The following MCTP2 variants were observed in gnomAD, a reference collection of about 807,000 sequenced individuals.
MCTP2 encodes multiple C2 and transmembrane domain-containing protein 2.
A neutral mutation model predicts 111.6 loss-of-function variants in MCTP2; 132 were observed. The ratio of observed to expected loss-of-function variants is 1.18; its 90% CI spans 1.03 to 1.37. The LOEUF is 1.37. Among genes scored for constraint, MCTP2 ranks in the 40% most tolerant of loss-of-function variants. MCTP2 has a pLI of 0.00. For missense variants in MCTP2, 1,183 were observed against 1,067.9 expected, an observed-to-expected ratio of 1.11 and a Z score of -1.50; for synonymous variants, 395 against 387.7, an observed-to-expected ratio of 1.02 and a Z score of -0.22.
intron 1 of MCTP2, among the ~76,000 whole-genome samples, chr15:94,265,143 C>T (rs1262136122): frequency 6.6e-6 from 1 of 152,138 alleles, no homozygotes; most frequent in African/African-American, 2.4e-5. Context: ...ACTTCCATAT[C>T]CAGGCCTACC....
At chr15:94,420,097 G>A (rs1008093414) in intron 17 of MCTP2, among the ~76,000 whole-genome samples, 10 of 152,112 alleles carry the variant, frequency 6.6e-5, no homozygotes, top group African/African-American at 2.4e-4. Flanking sequence ...TCTGCTAAAT[G>A]TACTCTGCCT....
chr15:94,309,927 T>C (rs1295919868), intron 2 of MCTP2, among the ~76,000 whole-genome samples: 2 of 152,244 alleles, frequency 1.3e-5, no homozygotes, highest in Middle Eastern at 6.3e-3. Flanking sequence ...ATAATAGTGC[T>C]CATTCCAAGA....
At chr15:94,294,067 G>A (rs1158829561) in intron 1 of MCTP2, among the ~76,000 whole-genome samples, 1 of 152,182 alleles carries the variant, frequency 6.6e-6, no homozygotes, top group Non-Finnish European at 1.5e-5. Flanking sequence ...TGCAGCAACT[G>A]GATGAATCTC....
intron 1 of MCTP2, among the ~76,000 whole-genome samples, chr15:94,243,816 T>G (rs1266876896): frequency 6.7e-6 from 1 of 148,414 alleles, no homozygotes; most frequent in Non-Finnish European, 1.5e-5. Context: ...TATACATATA[T>G]GTATACACAT....
intron 18 of MCTP2, among the ~76,000 whole-genome samples, chr15:94,441,505 T>G (rs1194810818): frequency 1.3e-5 from 2 of 152,226 alleles, no homozygotes; most frequent in African/African-American, 4.8e-5. Context: ...ATGTTTATAG[T>G]ATGTGCATAT....
chr15:94,306,374 A>G (rs559640994), intron 2 of MCTP2, among the ~76,000 whole-genome samples: 1 of 152,218 alleles, frequency 6.6e-6, no homozygotes, highest in African/African-American at 2.4e-5. Flanking sequence ...AATGACATGG[A>G]GGTTTGGAGA....
intron 1 of MCTP2, among the ~76,000 whole-genome samples, chr15:94,267,162 G>A (rs529156193): frequency 3.3e-5 from 5 of 152,160 alleles, no homozygotes; most frequent in Non-Finnish European, 7.4e-5. Context: ...CACCACTGCC[G>A]CAATCATAAT....
intron 14 of MCTP2, among the ~76,000 whole-genome samples, chr15:94,392,572 T>C (rs2081048500): frequency 6.6e-6 from 1 of 152,074 alleles, no homozygotes; most frequent in African/African-American, 2.4e-5. Context: ...CCCAGCACTT[T>C]GGGAGGCCGA....
At chr15:94,442,027 A>C (rs1056626020) in intron 18 of MCTP2, among the ~76,000 whole-genome samples, 9 of 152,188 alleles carry the variant, frequency 5.9e-5, no homozygotes, top group African/African-American at 1.4e-4. Context: ...TATTCTCTGG[A>C]TACTTTAGAG....
intron 17 of MCTP2, among the ~76,000 whole-genome samples, chr15:94,422,520 C>G (rs1328161848): frequency 6.6e-6 from 1 of 152,160 alleles, no homozygotes; most frequent in Non-Finnish European, 1.5e-5. Flanking sequence ...GAGTGAAACT[C>G]TTCCTAATTT....
rs138058117 is a variant in MCTP2 at position 94,305,767 on chromosome 15, C to T, written c.465+7037C>T. ...GTTGGGGAAGGGTGATACATGGAGG[C>T]GCTACGTGGGTAGGGCCCTAAAGAA... On this transcript the variant is annotated intron_variant, in intron 2 of 22. Coordinates refer to ENST00000357742, the MANE Select transcript of MCTP2 (RefSeq NM_001385001.1). Among the ~76,000 whole-genome samples the T allele has an allele frequency of 6.2e-4, 95 of 152,200 alleles. 3 individuals are homozygous for T. In the East Asian group the frequency reaches 0.017, roughly 28 times the overall value.
At chr15:94,453,939 G>C (rs2084634921) in intron 19 of MCTP2, among the ~76,000 whole-genome samples, 1 of 152,012 alleles carries the variant, frequency 6.6e-6, no homozygotes, top group Admixed American at 6.6e-5. Context: ...TCTCTCTGTG[G>C]AGCATGACTT....
At chr15:94,379,576 G>A (rs1234395307) in intron 12 of MCTP2, among the ~76,000 whole-genome samples, 1 of 151,568 alleles carries the variant, frequency 6.6e-6, no homozygotes, top group Non-Finnish European at 1.5e-5. Flanking sequence ...TCCTGGATGA[G>A]TAGAATGAAA....
At chr15:94,274,382 C>G (rs1399363912) in intron 1 of MCTP2, among the ~76,000 whole-genome samples, 1 of 151,530 alleles carries the variant, frequency 6.6e-6, no homozygotes, top group Non-Finnish European at 1.5e-5. Flanking sequence ...TAAATGAAAC[C>G]CAAAGGGTAT....
intron 17 of MCTP2, among the ~76,000 whole-genome samples, chr15:94,435,511 AT>A (rs2083421186): frequency 6.6e-6 from 1 of 151,676 alleles, no homozygotes; most frequent in Admixed American, 6.6e-5. Flanking sequence ...TAATAACTTT[AT>A]ACCATGGACT....
At chr15:94,470,908 A>C (rs1462463944) in intron 21 of MCTP2, among the ~76,000 whole-genome samples, 1 of 152,188 alleles carries the variant, frequency 6.6e-6, no homozygotes, top group Admixed American at 6.5e-5. Flanking sequence ...ATCCAGAAGC[A>C]GGGAGAGGGA....
At position 94,420,666 on chromosome 15, in the gene MCTP2, A is replaced by G. The variant is rs147865537; in HGVS notation, c.2085+18647A>G. ...AGCCTGAAAATGTGACTGAATTGCT[A>G]TAATCTCATGATGAAACTTGAACAT... On this transcript the variant is annotated intron_variant, in intron 17 of 22. Transcript: ENST00000357742. Among the ~76,000 whole-genome samples the G allele has an allele frequency of 2.1e-3, 321 of 152,324 alleles. 1 individual carries two copies. Among genetic ancestry groups the G allele is most frequent in the African/African-American group, 6.9e-3 (287 of 41,586 alleles).
At chr15:94,288,346 A>C (rs1019628204) in intron 1 of MCTP2, among the ~76,000 whole-genome samples, 1 of 152,204 alleles carries the variant, frequency 6.6e-6, no homozygotes, top group Non-Finnish European at 1.5e-5. Flanking sequence ...TAGCCTGAAC[A>C]TACATGGATC....
chr15:94,245,463 TATACATATATGTATATATAC>T lies in MCTP2; in HGVS notation c.-66+13806_-66+13825del, dbSNP rs1227904498. ...ATACACATATATGTATATGTATTTA[TATACATATATGTATATATAC>T]ATACATGTATGTATTTATATATGTA... On this transcript the variant is annotated intron_variant, in intron 1 of 22. Coordinates refer to ENST00000357742, the MANE Select transcript of MCTP2 (RefSeq NM_001385001.1). Among the ~76,000 whole-genome samples, 3 of 140,368 alleles carry T rather than the reference TATACATATATGTATATATAC, an allele frequency of 2.1e-5. No homozygotes were observed. The Admixed American group carries it at 2.2e-4, about 10-fold the overall frequency. The allele number at this position is 140,368 out of a possible 152,430, so 92.1% of individuals were successfully genotyped here.
Sources: allele counts gnomAD v4.1 joint callset (sites outside exome capture counted in the v4.1 genomes callset), GRCh38; gene constraint gnomAD v4.1.1; transcripts MANE v1.5; gene names NCBI Gene and HGNC (gene_info 2026-07-23, HGNC 2026-07-21).